BRD4: variants seen among roughly 807,000 people sequenced by gnomAD.
BRD4 encodes bromodomain-containing protein 4.
A neutral mutation model predicts 142.1 loss-of-function variants in BRD4; 16 were observed. That is an observed-to-expected ratio of 0.11 (90% CI 0.08 to 0.17). The LOEUF (loss-of-function observed/expected upper bound fraction) is 0.17. Ranked by LOEUF, BRD4 falls within the 10% of genes least tolerant of loss-of-function variation. BRD4 has a pLI of 1.00. For missense variants in BRD4, 1,424 were observed against 1,810.9 expected (o/e 0.79, Z 3.88); for synonymous variants, 833 against 707.5 (o/e 1.18, Z -2.82).
intron 6 of BRD4, 86 bp from the exon 7 acceptor site, chr19:15,263,634 G>C: frequency 6.4e-7 from 1 of 1,557,128 alleles, no homozygotes; most frequent in Non-Finnish European, 8.8e-7. Context: ...GGGATGCCTA[G>C]AAGAGCAAGT....
intron 1 of BRD4, among the ~76,000 whole-genome samples, chr19:15,330,546 A>C (rs564387902): frequency 3.3e-5 from 5 of 152,286 alleles, no homozygotes; most frequent in Non-Finnish European, 7.3e-5. Context: ...AGGATGGAAC[A>C]CCTGAGGTCA....
chr19:15,249,132 AC>A lies in BRD4; in HGVS notation c.2159-4371del. The A allele has an allele frequency of 2.9e-6, 4 of 1,368,404 alleles. No homozygotes were observed. In the South Asian group the frequency reaches 5.2e-5, roughly 18 times the overall value. 84.8% of individuals were successfully genotyped at this position (1,368,404 alleles called of 1,614,324 possible). A position where few individuals can be genotyped will look rare whatever the true frequency, so the allele number is the denominator to read the frequency against. ...GTGTGCTGCTGGACATGACTAATCC[AC>A]CCCGGGGGACAGGCCCAGGGCTCTG... is the stretch of plus-strand genomic sequence containing the variant. On this transcript the variant is annotated intron_variant, in intron 11 of 19. Transcript: ENST00000679869.
chr19:15,257,312 C>T, intron 7 of BRD4, 139 bp from the exon 8 acceptor site: 8 of 821,492 alleles, frequency 9.7e-6, no homozygotes, highest in Non-Finnish European at 1.5e-5. Flanking sequence ...TGTCTCTTTG[C>T]TGCCGAGACA....
Position 15,255,532 on chromosome 19 carries a change from C to T in BRD4, c.1812G>A (p.Glu604=). The T allele has an allele frequency of 6.2e-7, 1 of 1,613,852 alleles. No homozygotes were observed. The highest frequency in any genetic ancestry group is 1.1e-5 in the South Asian group (1 of 91,092). The change falls in exon 10 of 20, where the codon GAG becomes GAA. Residue 604 remains glutamate, a synonymous_variant. Coordinates refer to ENST00000679869, the MANE Select transcript of BRD4 (RefSeq NM_001379291.1). ...KPPPTYESEE[E]DKCKPMSYEE... is the part of the protein sequence containing the mutation. ...CATAGGACATAGGCTTGCACTTGTCCTCTTCCTCCGACTCATACGTGGGAG... is the reference window on the plus strand; with the variant it reads ...CATAGGACATAGGCTTGCACTTGTCTTCTTCCTCCGACTCATACGTGGGAG...
intron 11 of BRD4, chr19:15,248,897 A>T (rs1292935032): frequency 2.9e-6 from 1 of 343,502 alleles, no homozygotes; most frequent in Non-Finnish European, 5.4e-6. Flanking sequence ...TGGGACAAAG[A>T]GAGAAAACAT....
Position 15,243,313 on chromosome 19 carries a change from G to C in BRD4, c.2756C>G (p.Pro919Arg). Reference sequence around the variant, plus strand: ...CTGCATGGAGGTGAGGGGTGGGGCAGGTGGCTCTTCATCCTCCAGCAGCAC... The same window carrying C: ...CTGCATGGAGGTGAGGGGTGGGGCACGTGGCTCTTCATCCTCCAGCAGCAC... ...PQVLLEDEEP[P>R]APPLTSMQMQ... The change falls in exon 14 of 20, where the codon CCT becomes CGT. Residue 919 changes from proline (P) to arginine (R), a missense_variant. Physicochemically the swap from Pro to Arg is moderately radical, Grantham distance 103. Transcript: ENST00000679869. 6.8e-7 allele frequency: 1 copy of C among 1,468,262 alleles called. No individual in the cohort carries two copies. Among genetic ancestry groups the C allele is most frequent in the Non-Finnish European group, 9.0e-7 (1 of 1,108,622 alleles). The allele number at this position is 1,468,262 out of a possible 1,614,324, so 91.0% of individuals were successfully genotyped here.
chr19:15,237,390 C>T lies in BRD4; in HGVS notation c.*987G>A, dbSNP rs2047201816. 1 of 220,382 alleles carries T rather than the reference C, an allele frequency of 4.5e-6. No homozygotes were observed. The highest frequency in any genetic ancestry group is 2.3e-5 in the African/African-American group (1 of 44,264). The allele number at this position is 220,382 out of a possible 1,614,324, so 13.7% of individuals were successfully genotyped here. ...TTGTCTTTTTGTGGATTTTTTTGAG[C>T]TTTTTTCTTTTTTCACACCAGTTTG... is the stretch of plus-strand genomic sequence containing the variant. On this transcript the variant is annotated 3_prime_UTR_variant, in exon 20 of 20. Transcript: ENST00000679869.
Position 15,296,597 on chromosome 19 carries a change from G to A in BRD4, c.-34-23464C>T, listed in dbSNP as rs563683192. On this transcript the variant is annotated intron_variant, in intron 1 of 19. Transcript: ENST00000679869. Reference sequence around the variant, plus strand: ...GTGTGTCTTTAGAGAGCAGTGGCGCGGAGAGTAAACTATGGCCGCTGAAGT... The same window carrying A: ...GTGTGTCTTTAGAGAGCAGTGGCGCAGAGAGTAAACTATGGCCGCTGAAGT... Among the ~76,000 whole-genome samples the A allele has an allele frequency of 1.2e-4, 19 of 152,298 alleles. No homozygotes were observed. The East Asian group carries it at 3.1e-3, about 25-fold the overall frequency.
At chr19:15,246,254 C>A (rs899825474) in intron 11 of BRD4, among the ~76,000 whole-genome samples, 5 of 152,112 alleles carry the variant, frequency 3.3e-5, no homozygotes, top group Non-Finnish European at 7.4e-5. Flanking sequence ...AGTGTCAGGG[C>A]AACAGGGAGT....
chr19:15,241,674 A>G (rs1599431317), intron 14 of BRD4, among the ~76,000 whole-genome samples: 1 of 152,154 alleles, frequency 6.6e-6, no homozygotes, highest in East Asian at 1.9e-4. Context: ...CACCCCCAAC[A>G]GGAGTCCAGC....
In BRD4 at chr19:15,237,645, A is replaced by C. The variant is rs564816332; in HGVS notation, c.*732T>G. On this transcript the variant is annotated 3_prime_UTR_variant, in exon 20 of 20. Coordinates refer to ENST00000679869, the MANE Select transcript of BRD4 (RefSeq NM_001379291.1). ...TAGAAAAAAAAGAAAAAAAAAAACG[A>C]AACAGAAACACAGGTGGGAAGGAAC... 2 of 230,932 alleles carry C rather than the reference A, an allele frequency of 8.7e-6. No individual in the cohort carries two copies. The highest frequency in any genetic ancestry group is 1.7e-5 in the Non-Finnish European group (2 of 116,976). The allele number at this position is 230,932 out of a possible 1,614,324, so 14.3% of individuals were successfully genotyped here.
chr19:15,242,745 A>G (rs1034987177), intron 14 of BRD4, among the ~76,000 whole-genome samples, 155 bp downstream of exon 14: 2 of 152,052 alleles, frequency 1.3e-5, no homozygotes, highest in African/African-American at 4.8e-5. Context: ...ACACTGTAGG[A>G]AGCACCAATG....
chr19:15,269,456 T>C (rs550081154), intron 2 of BRD4, among the ~76,000 whole-genome samples: 2 of 152,306 alleles, frequency 1.3e-5, no homozygotes, highest in East Asian at 3.9e-4. Context: ...TTTGAAATTT[T>C]ACATGTCCAT....
intron 1 of BRD4, among the ~76,000 whole-genome samples, chr19:15,279,676 G>C (rs2047686195): frequency 6.6e-6 from 1 of 152,198 alleles, no homozygotes; most frequent in Non-Finnish European, 1.5e-5. Context: ...GCAAGCCAGA[G>C]AGGAAAAGAG....
chr19:15,245,072 A>C, intron 11 of BRD4: 1 of 480,712 alleles, frequency 2.1e-6, no homozygotes, highest in Non-Finnish European at 3.8e-6. Context: ...CCACTACTCA[A>C]GGGTCAGTCA....
chr19:15,280,403 C>A, intron 1 of BRD4: 1 of 1,016,398 alleles, frequency 9.8e-7, no homozygotes, highest in Non-Finnish European at 1.2e-6. Context: ...CCATGTGGCC[C>A]ATAAGCTGGG....
rs199827334 is a variant in BRD4 at position 15,237,561 on chromosome 19, T to C, written c.*816A>G. On this transcript the variant is annotated 3_prime_UTR_variant, in exon 20 of 20. Transcript: ENST00000679869. The stretch of plus-strand genomic sequence containing the variant: ...ACCATTTCGGAGATAAGCAGTGCCA[T>C]TGTGTCTGGAGGAGAAGAGAGAATT... The C allele has an allele frequency of 3.5e-5, 8 of 225,734 alleles. No individual in the cohort carries two copies. The highest frequency in any genetic ancestry group is 1.8e-4 in the South Asian group (1 of 5,440). The allele number at this position is 225,734 out of a possible 1,614,324, so 14.0% of individuals were successfully genotyped here. A position where few individuals can be genotyped will look rare whatever the true frequency, so the allele number is the denominator to read the frequency against.
At chr19:15,271,815 G>A (rs1352888278) in intron 2 of BRD4, among the ~76,000 whole-genome samples, 6 of 149,614 alleles carry the variant, frequency 4.0e-5, no homozygotes, top group East Asian at 1.9e-4. Flanking sequence ...TGCTTGACAC[G>A]TATTCAGTGA....
At chr19:15,311,279 G>A (rs1372954087) in intron 1 of BRD4, among the ~76,000 whole-genome samples, 4 of 150,164 alleles carry the variant, frequency 2.7e-5, no homozygotes, top group Non-Finnish European at 4.4e-5. Context: ...GCAACAGAGC[G>A]AAACTCTGTC....
Sources: gnomAD v4.1 joint callset for allele counts (sites outside exome capture counted in the v4.1 genomes callset) on GRCh38, gnomAD v4.1.1 for gene constraint, MANE v1.5 for transcripts, NCBI Gene and HGNC (gene_info 2026-07-23, HGNC 2026-07-21) for gene names.